Variants in DYM observed in about 807,000 individuals in gnomAD.
DYM encodes dyggve-Melchior-Clausen syndrome protein.
A neutral mutation model predicts 93.1 loss-of-function variants in DYM; 78 were observed. The observed-to-expected ratio is 0.84, with a 90% CI of 0.70 to 1.01. DYM has a LOEUF of 1.01. DYM is among the 50% of genes least tolerant of loss of function. DYM has a pLI of 0.00. For missense variants in DYM, 789 were observed against 845.0 expected, an observed-to-expected ratio of 0.93 and a Z score of 0.82; for synonymous variants, 321 against 319.7, an observed-to-expected ratio of 1.00 and a Z score of -0.04.
intron 2 of DYM, among the ~76,000 whole-genome samples, chr18:49,397,661 A>G (rs2070275561): frequency 6.6e-6 from 1 of 152,194 alleles, no homozygotes; most frequent in Admixed American, 6.5e-5. Context: ...GATTTTTGAC[A>G]AGAAAATTTT....
chr18:49,146,384 C>T (rs555894063), intron 15 of DYM, among the ~76,000 whole-genome samples: 8 of 152,032 alleles, frequency 5.3e-5, no homozygotes, highest in African/African-American at 1.7e-4. Context: ...GTATTCAATT[C>T]GGAAAAGAGG....
chr18:49,059,443 C>T (rs2075769202), intron 17 of DYM, among the ~76,000 whole-genome samples: 1 of 152,222 alleles, frequency 6.6e-6, no homozygotes, highest in African/African-American at 2.4e-5. Flanking sequence ...TACATTATAA[C>T]TGTAATCACT....
intron 6 of DYM, among the ~76,000 whole-genome samples, chr18:49,348,792 C>T (rs1454312080): frequency 6.6e-6 from 1 of 151,456 alleles, no homozygotes; most frequent in Admixed American, 6.6e-5. Context: ...ACCTGTAATC[C>T]CAGCTACTCG....
At chr18:49,272,154 C>G in intron 11 of DYM, 24 bp downstream of exon 11, 1 of 1,608,720 alleles carries the variant, frequency 6.2e-7, no homozygotes, top group Non-Finnish European at 8.5e-7. Context: ...AACTCTAACT[C>G]TAATCCAAGT....
intron 8 of DYM, among the ~76,000 whole-genome samples, chr18:49,318,241 G>A (rs1044305936): frequency 6.6e-6 from 1 of 152,184 alleles, no homozygotes; most frequent in Admixed American, 6.5e-5. Context: ...GGGCTATTAA[G>A]CCAAGAGCAA....
At chr18:49,302,768 C>T in intron 8 of DYM, among the ~76,000 whole-genome samples, 1 of 150,196 alleles carries the variant, frequency 6.7e-6, no homozygotes, top group Non-Finnish European at 1.5e-5. Flanking sequence ...GAGTTAAGTC[C>T]CTTACTCACA....
At chr18:49,441,096 TA>T (rs1453469680) in intron 1 of DYM, among the ~76,000 whole-genome samples, 1 of 9,106 alleles carries the variant, frequency 1.1e-4, no homozygotes, top group Non-Finnish European at 2.3e-4. Context: ...ATATTATATA[TA>T]AATATATATT....
intron 13 of DYM, among the ~76,000 whole-genome samples, chr18:49,245,795 T>C (rs951058287): frequency 3.3e-5 from 5 of 152,316 alleles, no homozygotes; most frequent in Non-Finnish European, 7.4e-5. Flanking sequence ...TAATAAAAAC[T>C]TGCTGGTTTT....
At chr18:49,098,611 C>T (rs1347377045) in intron 16 of DYM, among the ~76,000 whole-genome samples, 1 of 152,218 alleles carries the variant, frequency 6.6e-6, no homozygotes, top group African/African-American at 2.4e-5. Context: ...CTTGTGATTC[C>T]AGATAAACCA....
At chr18:49,181,143 G>A (rs2089891203) in intron 14 of DYM, among the ~76,000 whole-genome samples, 1 of 152,064 alleles carries the variant, frequency 6.6e-6, no homozygotes, top group South Asian at 2.1e-4. Context: ...TAGAGTCAAG[G>A]TCGTGTTGGA....
At chr18:49,403,081 C>A (rs144002890) in intron 2 of DYM, among the ~76,000 whole-genome samples, 1,809 of 152,206 alleles carry the variant, frequency 0.012, 35 homozygotes, top group African/African-American at 0.04. Context: ...CTCCCCAAAA[C>A]CAACAAGAAA....
chr18:49,426,755 A>ACGTGTGTGTG lies in DYM; in HGVS notation c.140+3499_140+3500insCACACACACG, dbSNP rs201910559. ...ACTGCTATTAGTCACACTGGAAAAC[A>ACGTGTGTGTG]TGTGTGTGTGTGTGTGTGTGTGTGT... On this transcript the variant is annotated intron_variant, in intron 2 of 17. Coordinates refer to ENST00000675505, the MANE Select transcript of DYM (RefSeq NM_001353214.3). Among the ~76,000 whole-genome samples, 1,015 of 147,800 alleles carry ACGTGTGTGTG rather than the reference A, an allele frequency of 6.9e-3. 7 individuals carry two copies. The highest frequency in any genetic ancestry group is 0.02 in the Admixed American group (296 of 14,786).
At position 49,304,792 on chromosome 18, in the gene DYM, T is replaced by G. The variant is rs185525794; in HGVS notation, c.764-18176A>C. ...AATCTGAGCACCTAGCTCACTGTCT[T>G]TCCCTCCACACTACTCCCGTGCTCA... On this transcript the variant is annotated intron_variant, in intron 8 of 17. Transcript: ENST00000675505. 1.5e-4 allele frequency among the ~76,000 whole-genome samples: 23 copies of G among 152,266 alleles called. No homozygotes were observed. The East Asian group carries it at 3.7e-3, about 24-fold the overall frequency.
At chr18:49,270,453 T>G (rs544716304) in intron 11 of DYM, among the ~76,000 whole-genome samples, 1 of 152,120 alleles carries the variant, frequency 6.6e-6, no homozygotes, top group Non-Finnish European at 1.5e-5. Context: ...TGAGGAGATA[T>G]AGGTCAAAGT....
intron 14 of DYM, among the ~76,000 whole-genome samples, chr18:49,189,154 A>C (rs1423999352): frequency 6.6e-6 from 1 of 152,192 alleles, no homozygotes; most frequent in African/African-American, 2.4e-5. Flanking sequence ...GGACTCCAAA[A>C]GTGGGGACAG....
At chr18:49,358,788 G>A (rs2065779173) in intron 6 of DYM, among the ~76,000 whole-genome samples, 1 of 152,110 alleles carries the variant, frequency 6.6e-6, no homozygotes, top group Non-Finnish European at 1.5e-5. Flanking sequence ...GCCTGTGCTT[G>A]ACACTGACAT....
intron 8 of DYM, among the ~76,000 whole-genome samples, chr18:49,290,487 T>C (rs1209328259): frequency 6.6e-6 from 1 of 152,094 alleles, no homozygotes; most frequent in Non-Finnish European, 1.5e-5. Flanking sequence ...TTTACTTGTA[T>C]AGTTTAATTT....
At chr18:49,303,867 A>G (rs1400771160) in intron 8 of DYM, among the ~76,000 whole-genome samples, 2 of 152,250 alleles carry the variant, frequency 1.3e-5, no homozygotes, top group East Asian at 1.9e-4. Flanking sequence ...ACATGGGGGG[A>G]AAATTACTAG....
At chr18:49,409,232 C>T (rs9946606) in intron 2 of DYM, among the ~76,000 whole-genome samples, 3,591 of 144,072 alleles carry the variant, frequency 0.025, 138 homozygotes, top group African/African-American at 0.087. Context: ...TGCAGTGAGC[C>T]GAGATTGCAC....
Sources: allele counts gnomAD v4.1 joint callset (sites outside exome capture counted in the v4.1 genomes callset), GRCh38; gene constraint gnomAD v4.1.1; transcripts MANE v1.5; gene names NCBI Gene and HGNC (gene_info 2026-07-23, HGNC 2026-07-21).